Variants in ULK4 observed in about 807,000 individuals in gnomAD.
ULK4 encodes inactive serine/threonine-protein kinase ULK4.
A neutral mutation model predicts 160.6 loss-of-function variants in ULK4; 133 were observed. The observed-to-expected ratio is 0.83, with a 90% CI of 0.72 to 0.96. The LOEUF is 0.96. Ranked by LOEUF, ULK4 falls within the 40% of genes least tolerant of loss-of-function variation. The pLI is 0.00. For synonymous variants in ULK4, 534 were observed against 539.8 expected (o/e 0.99, Z 0.15); for missense variants, 1,580 against 1,499.5 (o/e 1.05, Z -0.89).
chr3:41,388,047 C>T (rs1449446076), intron 35 of ULK4, among the ~76,000 whole-genome samples: 9 of 152,152 alleles, frequency 5.9e-5, no homozygotes, highest in African/African-American at 2.2e-4. Flanking sequence ...TGTTTCCTGA[C>T]TTTGTAATGA....
chr3:41,716,075 T>C (rs970464385), intron 23 of ULK4, among the ~76,000 whole-genome samples: 3 of 151,354 alleles, frequency 2.0e-5, no homozygotes, highest in Non-Finnish European at 2.9e-5. Context: ...AGCCTGGGCA[T>C]GATGGTGTGC....
intron 30 of ULK4, among the ~76,000 whole-genome samples, chr3:41,659,619 T>G (rs576390634): frequency 6.6e-6 from 1 of 152,082 alleles, no homozygotes; most frequent in South Asian, 2.1e-4. Flanking sequence ...TCCTCAGATA[T>G]GTCCTTTGGA....
chr3:41,809,901 A>C (rs1263955286), intron 19 of ULK4, among the ~76,000 whole-genome samples: 1 of 152,222 alleles, frequency 6.6e-6, no homozygotes, highest in Non-Finnish European at 1.5e-5. Context: ...AAATGATATT[A>C]GTATACAATA....
intron 27 of ULK4, among the ~76,000 whole-genome samples, chr3:41,683,225 T>C (rs2035979997): frequency 6.6e-6 from 1 of 152,108 alleles, no homozygotes; most frequent in Non-Finnish European, 1.5e-5. Flanking sequence ...TTCCAGGAAC[T>C]GGCCTTACGA....
chr3:41,690,498 C>G lies in ULK4; in HGVS notation c.2782-8694G>C, dbSNP rs184543707. Among the ~76,000 whole-genome samples the G allele has an allele frequency of 3.0e-3, 448 of 151,542 alleles. 4 individuals carry two copies. Among genetic ancestry groups the G allele is most frequent in the African/African-American group, 1.0e-2 (413 of 41,426 alleles). On this transcript the variant is annotated intron_variant, in intron 27 of 36. Coordinates refer to ENST00000301831, the MANE Select transcript of ULK4 (RefSeq NM_017886.4). ...GAAAAAAAAAACTTTTCTCACAGGC[C>G]TTCTTCCTTCACAAGCTCTGGGCTC...
chr3:41,591,402 G>A (rs1056636932), intron 31 of ULK4, among the ~76,000 whole-genome samples: 2 of 151,904 alleles, frequency 1.3e-5, no homozygotes, highest in African/African-American at 4.8e-5. Context: ...GAGTCTAAAC[G>A]GGATGTCCAA....
At chr3:41,453,310 G>T (rs572420072) in intron 34 of ULK4, among the ~76,000 whole-genome samples, 34 of 152,250 alleles carry the variant, frequency 2.2e-4, no homozygotes, top group Non-Finnish European at 4.3e-4. Context: ...CAAGTAGCTA[G>T]AACTACAGGT....
chr3:41,490,245 A>T (rs536590403), intron 32 of ULK4, among the ~76,000 whole-genome samples: 1 of 152,074 alleles, frequency 6.6e-6, no homozygotes, highest in Non-Finnish European at 1.5e-5. Context: ...CATTGACATA[A>T]TGTTCCTCCA....
At chr3:41,330,346 A>G (rs2080418673) in intron 35 of ULK4, among the ~76,000 whole-genome samples, 1 of 152,096 alleles carries the variant, frequency 6.6e-6, no homozygotes, top group Admixed American at 6.6e-5. Flanking sequence ...ACTTCTGGAC[A>G]TTTTCCAAGG....
chr3:41,849,420 A>G (rs1166473623), intron 17 of ULK4, among the ~76,000 whole-genome samples: 2 of 152,248 alleles, frequency 1.3e-5, no homozygotes, highest in African/African-American at 4.8e-5. Flanking sequence ...CACAGACTGT[A>G]TACAACATTC....
intron 35 of ULK4, among the ~76,000 whole-genome samples, chr3:41,297,105 G>A (rs544257675): frequency 1.1e-4 from 17 of 152,048 alleles, no homozygotes; most frequent in African/African-American, 4.1e-4. Context: ...TGCTGGGAAT[G>A]TGCTCTCTTT....
chr3:41,823,456 G>A (rs565881496), intron 18 of ULK4, among the ~76,000 whole-genome samples: 1 of 152,144 alleles, frequency 6.6e-6, no homozygotes, highest in South Asian at 2.1e-4. Flanking sequence ...GACAAAATAA[G>A]AATACCTGAA....
At chr3:41,910,484 C>T (rs949978533) in intron 11 of ULK4, among the ~76,000 whole-genome samples, 2 of 151,876 alleles carry the variant, frequency 1.3e-5, no homozygotes, top group East Asian at 1.9e-4. Context: ...GTCCCAGCTA[C>T]TCTCGGGAGG....
At chr3:41,317,999 T>C (rs891754150) in intron 35 of ULK4, among the ~76,000 whole-genome samples, 2 of 152,238 alleles carry the variant, frequency 1.3e-5, no homozygotes, top group African/African-American at 2.4e-5. Context: ...TGCCATTTCA[T>C]TGACCCTTTA....
intron 34 of ULK4, among the ~76,000 whole-genome samples, chr3:41,440,502 T>C (rs1239512021): frequency 6.6e-6 from 1 of 152,192 alleles, no homozygotes; most frequent in Non-Finnish European, 1.5e-5. Context: ...ATTACTGGGA[T>C]AAATCCCTCT....
intron 35 of ULK4, among the ~76,000 whole-genome samples, chr3:41,269,684 C>T (rs2079105014): frequency 6.6e-6 from 1 of 152,206 alleles, no homozygotes. Context: ...AGATTATCTA[C>T]ATAAGAGAAG....
chr3:41,918,424 T>C, intron 7 of ULK4, 33 bp downstream of exon 7: 1 of 1,444,944 alleles, frequency 6.9e-7, no homozygotes, highest in Non-Finnish European at 9.5e-7. Flanking sequence ...GTGTAAAATG[T>C]AAATTAATTC....
chr3:41,912,293 C>T lies in ULK4; in HGVS notation c.896+514G>A, dbSNP rs542948702. On this transcript the variant is annotated intron_variant, in intron 9 of 36. Transcript: ENST00000301831. The stretch of plus-strand genomic sequence containing the variant: ...GCAATGCACCATGATTGTACCACTA[C>T]ACTCCTGCCTAGGTGACAGAGTGAG... Among the ~76,000 whole-genome samples, 235 of 147,728 alleles carry T rather than the reference C, an allele frequency of 1.6e-3. 3 individuals carry two copies. The highest frequency in any genetic ancestry group is 2.4e-3 in the Non-Finnish European group (162 of 67,624).
chr3:41,681,732 T>G, intron 28 of ULK4, 21 bp downstream of exon 28: 1 of 1,614,098 alleles, frequency 6.2e-7, no homozygotes, highest in South Asian at 1.1e-5. Context: ...ATGCAATTCT[T>G]GCTGGTGTCA....
Sources: gnomAD v4.1 joint callset for allele counts (sites outside exome capture counted in the v4.1 genomes callset) on GRCh38, gnomAD v4.1.1 for gene constraint, MANE v1.5 for transcripts, NCBI Gene and HGNC (gene_info 2026-07-23, HGNC 2026-07-21) for gene names.